The following LAMB1 variants were observed in gnomAD, a reference collection of about 807,000 sequenced individuals.
The protein encoded by LAMB1 is laminin subunit beta-1.
In LAMB1, 121 loss-of-function variants were observed where a neutral mutation model predicts 222.3. That is an observed-to-expected ratio of 0.54 (90% CI 0.47 to 0.63). The LOEUF is 0.63. Among genes scored for constraint, LAMB1 ranks in the 30% least tolerant of loss-of-function variants. The pLI is 0.00. For synonymous variants in LAMB1, 794 were observed against 807.2 expected (o/e 0.98, Z 0.28); for missense variants, 2,172 against 2,240.8 (o/e 0.97, Z 0.62).
intron 13 of LAMB1, among the ~76,000 whole-genome samples, chr7:107,967,354 A>G (rs1251627267): frequency 6.6e-6 from 1 of 152,096 alleles, no homozygotes; most frequent in Admixed American, 6.6e-5. Flanking sequence ...TACTCTAACA[A>G]TCTCCTAAAC....
At chr7:107,924,551 G>A (rs939533555) in intron 32 of LAMB1, among the ~76,000 whole-genome samples, 162 bp from the exon 33 acceptor site, 1 of 152,192 alleles carries the variant, frequency 6.6e-6, no homozygotes, top group African/African-American at 2.4e-5. Flanking sequence ...GGAATTGAAT[G>A]CAAAATTGAC....
chr7:107,940,327 C>T lies in LAMB1; in HGVS notation c.3423G>A (p.Thr1141=), dbSNP rs757611151. ...GGCCCGTGGACTGGTCACACTGTGG[C>T]GTCTCAATGCCCCTGGGGTCACAGT... is the stretch of plus-strand genomic sequence containing the variant. ...ACDCDPRGIE[T]PQCDQSTGQC... Residue 1141 remains threonine (T), a synonymous_variant, in exon 25 of 34, where the codon ACG becomes ACA. Transcript: ENST00000222399. The T allele has an allele frequency of 1.9e-6, 3 of 1,614,016 alleles. No individual in the cohort carries two copies. Among genetic ancestry groups the T allele is most frequent in the Admixed American group, 3.3e-5 (2 of 60,020 alleles).
intron 4 of LAMB1, among the ~76,000 whole-genome samples, chr7:107,996,497 T>C (rs1456672568): frequency 2.0e-5 from 3 of 152,060 alleles, no homozygotes; most frequent in Admixed American, 6.5e-5. Flanking sequence ...ACACAGAAAA[T>C]AGATAAAATC....
Position 107,935,430 on chromosome 7 carries a change from T to C in LAMB1, c.4173A>G (p.Ser1391=). The part of the protein sequence containing the change: ...LAGKLQSLDL[S]AAAEMTCGTP... ...CAAACCTTACCATTTCGGCAGCGGC[T>C]GAAAGGTCTAGGCTTTGTAGCTTGC... The change falls in exon 27 of 34, where the codon TCA becomes TCG. Residue 1391 remains serine (S), a synonymous_variant. Transcript: ENST00000222399. 3 of 1,555,376 alleles carry C rather than the reference T, an allele frequency of 1.9e-6. No homozygotes were observed. The highest frequency in any genetic ancestry group is 2.6e-6 in the Non-Finnish European group (3 of 1,146,698).
chr7:107,991,480 G>A (rs2034180433), intron 5 of LAMB1, among the ~76,000 whole-genome samples: 2 of 152,040 alleles, frequency 1.3e-5, no homozygotes, highest in South Asian at 4.1e-4. Context: ...CCAGCTACTT[G>A]GGGGGCTGAG....
rs2034386627 is a variant in LAMB1, at chr7:108,001,642, GAGA to G, written c.126_128del (p.Leu43del). On this transcript the variant is annotated inframe_deletion, in exon 3 of 34. Transcript: ENST00000222399. ...CCGAAAGCTTCTGTGCTCGGCCGATGAGAAGGTCGCCCGTGGCGGGATAGCAGC... is the reference window on the plus strand; with the variant it reads ...CCGAAAGCTTCTGTGCTCGGCCGATGAGGTCGCCCGTGGCGGGATAGCAGC... The G allele has an allele frequency of 1.9e-6, 3 of 1,613,250 alleles. No homozygotes were observed. The highest frequency in any genetic ancestry group is 1.7e-6 in the Non-Finnish European group (2 of 1,179,884).
rs967399554 is a variant in LAMB1 at position 107,953,721 on chromosome 7, A to G, written c.2888T>C (p.Phe963Ser). 1.2e-6 allele frequency: 2 copies of G among 1,614,036 alleles called. No individual in the cohort carries two copies. The highest frequency in any genetic ancestry group is 1.7e-6 in the Non-Finnish European group (2 of 1,180,026). ...SRCDDCASGY[F>S]GNPSEVGGSC... ...CCCCCCAACTTCTGATGGATTGCCA[A>G]AGTATCCTGAGGCACAGTCGTCACA... is the stretch of plus-strand genomic sequence containing the variant. Residue 963 changes from phenylalanine to serine, a missense_variant, in exon 22 of 34, where the codon TTT (phenylalanine) becomes TCT (serine). Phe to Ser is a radical substitution (Grantham distance 155, BLOSUM62 -2). Coordinates refer to ENST00000222399, the MANE Select transcript of LAMB1 (RefSeq NM_002291.3).
At chr7:107,950,002 C>T (rs1233307843) in intron 24 of LAMB1, among the ~76,000 whole-genome samples, 3 of 152,074 alleles carry the variant, frequency 2.0e-5, no homozygotes, top group Admixed American at 6.5e-5. Context: ...GAGGCCGAGG[C>T]GGGTGAATCA....
chr7:107,944,044 C>A (rs148639636), intron 24 of LAMB1, among the ~76,000 whole-genome samples: 40 of 152,338 alleles, frequency 2.6e-4, no homozygotes, highest in Non-Finnish European at 5.4e-4. Flanking sequence ...TCACCCATCT[C>A]CCTTAGACTT....
rs139926455 is a variant in LAMB1, at chr7:107,940,836, A to G, written c.3392-478T>C. Among the ~76,000 whole-genome samples the G allele has an allele frequency of 1.1e-3, 171 of 152,280 alleles. 1 individual carries two copies. Among genetic ancestry groups the G allele is most frequent in the African/African-American group, 4.0e-3 (165 of 41,558 alleles). On this transcript the variant is annotated intron_variant, in intron 24 of 33. Coordinates refer to ENST00000222399, the MANE Select transcript of LAMB1 (RefSeq NM_002291.3). Reference sequence around the variant, plus strand: ...TTTCCCCACAGACCATGTCTGTACAAACAATCCAGGTTACATCCTGATAAT... The same window carrying G: ...TTTCCCCACAGACCATGTCTGTACAGACAATCCAGGTTACATCCTGATAAT...
intron 13 of LAMB1, among the ~76,000 whole-genome samples, chr7:107,969,974 C>G (rs1285725696): frequency 1.3e-5 from 2 of 152,204 alleles, no homozygotes; most frequent in African/African-American, 4.8e-5. Flanking sequence ...CTACTAACTT[C>G]CGTTCTGGAT....
In LAMB1 at chr7:107,986,322, G is replaced by C; in HGVS notation, c.465C>G (p.Asp155Glu). 1 of 1,609,670 alleles carries C rather than the reference G, an allele frequency of 6.2e-7. No homozygotes were observed. The highest frequency in any genetic ancestry group is 8.5e-7 in the Non-Finnish European group (1 of 1,176,474). ...PAAMLIERSSDFGKTWGVYRY... is the reference protein window; with the variant it reads ...PAAMLIERSSEFGKTWGVYRY... The stretch of plus-strand genomic sequence containing the variant: ...TATACACACCCCAGGTTTTCCCAAA[G>C]TCGGACGATCGTTCTATCAGCATAG... Residue 155 changes from aspartate (D) to glutamate (E), a missense_variant, in exon 6 of 34, where the codon GAC (aspartate) becomes GAG (glutamate). Asp to Glu is a conservative substitution (Grantham distance 45). Coordinates refer to ENST00000222399, the MANE Select transcript of LAMB1 (RefSeq NM_002291.3).
At position 107,935,787 on chromosome 7, in the gene LAMB1, A is replaced by G. The variant is rs2032834082; in HGVS notation, c.3947-131T>C. 43 of 1,033,838 alleles carry G rather than the reference A, an allele frequency of 4.2e-5. No individual in the cohort carries two copies. The South Asian group carries it at 6.8e-4, about 16-fold the overall frequency. The allele number at this position is 1,033,838 out of a possible 1,614,324, so 64.0% of individuals were successfully genotyped here. Reference sequence around the variant, plus strand: ...TTTTAAAATTCAAGAAAAAATATTTATGAAGTACAGTTTTCATGAGCAATG... The same window carrying G: ...TTTTAAAATTCAAGAAAAAATATTTGTGAAGTACAGTTTTCATGAGCAATG... On this transcript the variant is annotated intron_variant, in intron 26 of 33. Transcript: ENST00000222399.
In LAMB1 at chr7:107,959,262, G is replaced by T; in HGVS notation, c.2677C>A (p.His893Asn). 6.2e-7 allele frequency: 1 copy of T among 1,613,424 alleles called. No individual in the cohort carries two copies. The highest frequency in any genetic ancestry group is 1.1e-5 in the South Asian group (1 of 90,986). The change falls in exon 20 of 34, where the codon CAT (histidine) becomes AAT (asparagine). Residue 893 changes from histidine to asparagine, a missense_variant. Coordinates refer to ENST00000222399, the MANE Select transcript of LAMB1 (RefSeq NM_002291.3). Reference sequence around the variant, plus strand: ...GCATCTGCATACCTTTCACAGTTATGACCCATGGTGTAGTCCTGGCAGTTC... The same window carrying T: ...GCATCTGCATACCTTTCACAGTTATTACCCATGGTGTAGTCCTGGCAGTTC... The part of the protein sequence containing the change: ...CLNCQDYTMG[H>N]NCERCLAGYY...
At chr7:107,965,061 C>T (rs1177131918) in intron 13 of LAMB1, among the ~76,000 whole-genome samples, 2 of 152,184 alleles carry the variant, frequency 1.3e-5, no homozygotes, top group Non-Finnish European at 1.5e-5. Context: ...TTGGCTGTCC[C>T]AGAGCATCCC....
Position 107,975,003 on chromosome 7 carries a change from G to T in LAMB1, c.1465C>A (p.His489Asn), listed in dbSNP as rs1213313567. ...CYCKRLVTGQ[H>N]CDQCLPEHWG... The stretch of plus-strand genomic sequence containing the variant: ...TTACTTACCAGGCACTGGTCACAAT[G>T]CTGTCCTGTCACCAGACGCTTGCAG... The change falls in exon 12 of 34, where the codon CAT becomes AAT. Residue 489 changes from histidine to asparagine, a missense_variant. By Grantham distance (68) the His-to-Asn change is moderately conservative (BLOSUM62 1). Transcript: ENST00000222399. The T allele has an allele frequency of 1.3e-6, 2 of 1,598,302 alleles. No individual in the cohort carries two copies. Among genetic ancestry groups the T allele is most frequent in the Admixed American group, 3.3e-5 (2 of 60,004 alleles).
At chr7:107,964,129 G>A (rs1168443992) in intron 14 of LAMB1, among the ~76,000 whole-genome samples, 1 of 152,176 alleles carries the variant, frequency 6.6e-6, no homozygotes, top group Non-Finnish European at 1.5e-5. Flanking sequence ...TCGTGTTCGT[G>A]TGGAGAGAAA....
In LAMB1 at chr7:107,998,447, C is replaced by T. The variant is rs1262933040; in HGVS notation, c.259G>A (p.Glu87Lys). Residue 87 changes from glutamate (E) to lysine (K), a missense_variant, in exon 4 of 34, where the codon GAG (glutamate) becomes AAG (lysine). Coordinates refer to ENST00000222399, the MANE Select transcript of LAMB1 (RefSeq NM_002291.3). ...FICNSQDPYH[E>K]TLNPDSHLIE... is the part of the protein sequence containing the mutation. Reference sequence around the variant, plus strand: ...AGATGGCTGTCAGGATTCAGGGTCTCATGATAAGGATCTTGGGAATTGCAT... The same window carrying T: ...AGATGGCTGTCAGGATTCAGGGTCTTATGATAAGGATCTTGGGAATTGCAT... 1.2e-6 allele frequency: 2 copies of T among 1,613,934 alleles called. No homozygotes were observed. Among genetic ancestry groups the T allele is most frequent in the South Asian group, 1.1e-5 (1 of 91,060 alleles).
intron 7 of LAMB1, among the ~76,000 whole-genome samples, chr7:107,984,248 C>T (rs2034029919): frequency 6.6e-6 from 1 of 151,792 alleles, no homozygotes; most frequent in Admixed American, 6.6e-5. Context: ...ACTTCCACAT[C>T]TCATTTTTTT....
Sources: allele counts gnomAD v4.1 joint callset (sites outside exome capture counted in the v4.1 genomes callset), GRCh38; gene constraint gnomAD v4.1.1; transcripts MANE v1.5; gene names NCBI Gene and HGNC (gene_info 2026-07-23, HGNC 2026-07-21).